CAMKMT: variants seen among roughly 807,000 people sequenced by gnomAD.
CAMKMT encodes calmodulin-lysine N-methyltransferase.
A neutral mutation model predicts 48.0 loss-of-function variants in CAMKMT; 53 were observed. That is an observed-to-expected ratio of 1.10 (90% CI 0.89 to 1.39). CAMKMT has a LOEUF of 1.39. Among genes scored for constraint, CAMKMT ranks in the 40% most tolerant of loss-of-function variants. CAMKMT has a pLI of 0.00. For synonymous variants in CAMKMT, 165 were observed against 152.3 expected, an observed-to-expected ratio of 1.08 and a Z score of -0.61; for missense variants, 428 against 402.7, an observed-to-expected ratio of 1.06 and a Z score of -0.54.
In CAMKMT at chr2:44,376,728, G is replaced by A. The variant is rs886094709; in HGVS notation, c.311+3840G>A. On this transcript the variant is annotated intron_variant, in intron 2 of 10. Transcript: ENST00000378494. Reference sequence around the variant, plus strand: ...ACCTAGTTGTATCTTGTTTATATAAGCAGTGACCTTAAAAACTTTGACCAT... The same window carrying A: ...ACCTAGTTGTATCTTGTTTATATAAACAGTGACCTTAAAAACTTTGACCAT... Among the ~76,000 whole-genome samples the A allele has an allele frequency of 3.9e-5, 6 of 152,110 alleles. No homozygotes were observed. In the East Asian group the frequency reaches 9.6e-4, roughly 24 times the overall value.
chr2:44,626,030 C>G (rs1672460899), intron 3 of CAMKMT, among the ~76,000 whole-genome samples: 5 of 152,216 alleles, frequency 3.3e-5, no homozygotes, highest in Admixed American at 2.6e-4. Context: ...ATCAGGTTGG[C>G]AATCTCTAAA....
At chr2:44,384,125 C>T (rs187174677) in intron 2 of CAMKMT, among the ~76,000 whole-genome samples, 122 of 152,216 alleles carry the variant, frequency 8.0e-4, no homozygotes, top group African/African-American at 2.8e-3. Context: ...ACAGCATCCA[C>T]GCCAGTATCT....
intron 3 of CAMKMT, among the ~76,000 whole-genome samples, chr2:44,606,058 A>G (rs912187898): frequency 3.3e-5 from 5 of 152,228 alleles, no homozygotes; most frequent in South Asian, 2.1e-4. Context: ...TTCAAAATGA[A>G]CTACTCCAGG....
At chr2:44,566,814 A>G (rs566953747) in intron 3 of CAMKMT, among the ~76,000 whole-genome samples, 1 of 152,358 alleles carries the variant, frequency 6.6e-6, no homozygotes, top group Non-Finnish European at 1.5e-5. Flanking sequence ...AAAAATTAAG[A>G]TAACCTGAAA....
chr2:44,642,201 T>A (rs1673486736), intron 3 of CAMKMT, among the ~76,000 whole-genome samples: 1 of 152,226 alleles, frequency 6.6e-6, no homozygotes, highest in Non-Finnish European at 1.5e-5. Context: ...TGGCTAAAAG[T>A]TATCTTGATT....
intron 3 of CAMKMT, among the ~76,000 whole-genome samples, chr2:44,525,445 A>G (rs942979928): frequency 8.5e-5 from 13 of 152,066 alleles, no homozygotes; most frequent in African/African-American, 2.9e-4. Flanking sequence ...TAGTAGAGAC[A>G]GAGTTTCACC....
intron 2 of CAMKMT, among the ~76,000 whole-genome samples, chr2:44,381,800 T>G (rs1680266491): frequency 6.6e-6 from 1 of 152,194 alleles, no homozygotes; most frequent in African/African-American, 2.4e-5. Context: ...GAAGGCTGCG[T>G]ACCAAAATTC....
At chr2:44,712,098 T>C (rs1240331962) in intron 6 of CAMKMT, among the ~76,000 whole-genome samples, 1 of 152,124 alleles carries the variant, frequency 6.6e-6, no homozygotes, top group East Asian at 1.9e-4. Flanking sequence ...TCTCAATTCA[T>C]ATGAGTAATA....
intron 3 of CAMKMT, chr2:44,549,635 C>G: frequency 3.2e-6 from 2 of 622,960 alleles, no homozygotes; most frequent in Non-Finnish European, 5.7e-6. Flanking sequence ...CTGAACTGCT[C>G]ATATATTTAA....
At chr2:44,601,834 G>A (rs564065780) in intron 3 of CAMKMT, among the ~76,000 whole-genome samples, 40 of 151,884 alleles carry the variant, frequency 2.6e-4, no homozygotes, top group African/African-American at 9.0e-4. Flanking sequence ...AGGACAGTTT[G>A]GAAAACACAA....
chr2:44,391,566 T>G (rs1472085061), intron 3 of CAMKMT, among the ~76,000 whole-genome samples: 2 of 152,132 alleles, frequency 1.3e-5, no homozygotes, highest in African/African-American at 4.8e-5. Flanking sequence ...TAAATATCAT[T>G]GAGTCAGGCT....
rs565567641 is a variant in CAMKMT at position 44,521,150 on chromosome 2, A to C, written c.376+130845A>C. Reference sequence around the variant, plus strand: ...GTTGAAAGTGACATAATGTAGGTGAATATGGCTTGTGGTAAATGGTATGGA... The same window carrying C: ...GTTGAAAGTGACATAATGTAGGTGACTATGGCTTGTGGTAAATGGTATGGA... On this transcript the variant is annotated intron_variant, in intron 3 of 10. Coordinates refer to ENST00000378494, the MANE Select transcript of CAMKMT (RefSeq NM_024766.5). Among the ~76,000 whole-genome samples, 8 of 152,346 alleles carry C rather than the reference A, an allele frequency of 5.3e-5. No homozygotes were observed. The Middle Eastern group carries it at 0.01, about 194-fold the overall frequency.
Position 44,667,166 on chromosome 2 carries a change from C to T in CAMKMT, c.377-37117C>T, listed in dbSNP as rs568004914. Among the ~76,000 whole-genome samples, 73 of 152,304 alleles carry T rather than the reference C, an allele frequency of 4.8e-4. 1 individual carries two copies. In the South Asian group the frequency reaches 0.014, roughly 29 times the overall value. ...AGAGCCTCCAATTCAGACCACCCAT[C>T]GCTGGGAGCTTTAGGATCCAACAGT... is the stretch of plus-strand genomic sequence containing the variant. On this transcript the variant is annotated intron_variant, in intron 3 of 10. Coordinates refer to ENST00000378494, the MANE Select transcript of CAMKMT (RefSeq NM_024766.5).
intron 3 of CAMKMT, among the ~76,000 whole-genome samples, chr2:44,489,993 T>TAC (rs1176528320): frequency 6.6e-6 from 1 of 151,922 alleles, no homozygotes. Flanking sequence ...ATTAGATTAA[T>TAC]ACACACACAC....
At chr2:44,734,252 G>C (rs1679238842) in intron 7 of CAMKMT, among the ~76,000 whole-genome samples, 1 of 151,674 alleles carries the variant, frequency 6.6e-6, no homozygotes, top group Non-Finnish European at 1.5e-5. Context: ...TTGATGTGTT[G>C]TATTTTCATT....
At chr2:44,389,809 G>A (rs139365082) in intron 2 of CAMKMT, among the ~76,000 whole-genome samples, 2 of 152,196 alleles carry the variant, frequency 1.3e-5, no homozygotes, top group Admixed American at 1.3e-4. Context: ...CCTGAAGATT[G>A]GCTATTTCTT....
intron 3 of CAMKMT, among the ~76,000 whole-genome samples, chr2:44,420,219 G>A (rs1279905505): frequency 1.3e-5 from 2 of 152,142 alleles, no homozygotes; most frequent in Admixed American, 6.6e-5. Flanking sequence ...AAGGTGACAT[G>A]TTAATCTGTG....
chr2:44,604,856 A>G (rs368980271), intron 3 of CAMKMT, among the ~76,000 whole-genome samples: 3 of 152,196 alleles, frequency 2.0e-5, no homozygotes, highest in South Asian at 2.1e-4. Flanking sequence ...GATTCCCACT[A>G]TGGTCTCAGA....
chr2:44,760,753 G>T (rs1252655448), intron 9 of CAMKMT, among the ~76,000 whole-genome samples: 1 of 152,134 alleles, frequency 6.6e-6, no homozygotes, highest in East Asian at 1.9e-4. Context: ...AGATCACTCT[G>T]CCCATAGCAT....
Sources: gnomAD v4.1 joint callset for allele counts (sites outside exome capture counted in the v4.1 genomes callset) on GRCh38, gnomAD v4.1.1 for gene constraint, MANE v1.5 for transcripts, NCBI Gene and HGNC (gene_info 2026-07-23, HGNC 2026-07-21) for gene names.